PPP1R3C: variants seen among roughly 807,000 people sequenced by gnomAD.
The protein encoded by PPP1R3C is protein phosphatase 1 regulatory subunit 3C, also known as PP1 subunit R5.
In PPP1R3C, 20 loss-of-function variants were observed where a neutral mutation model predicts 29.3. That is an observed-to-expected ratio of 0.68 (90% confidence interval 0.48 to 0.99). The LOEUF is 0.99. Among genes scored for constraint, PPP1R3C ranks in the 50% least tolerant of loss-of-function variants. PPP1R3C has a pLI of 0.00. For synonymous variants in PPP1R3C, 123 were observed against 143.1 expected (o/e 0.86, Z 1.00); for missense variants, 321 against 386.0 (o/e 0.83, Z 1.41).
At chr10:91,631,467 C>T (rs576498770) in intron 1 of PPP1R3C, among the ~76,000 whole-genome samples, 1 of 152,046 alleles carries the variant, frequency 6.6e-6, no homozygotes, top group East Asian at 1.9e-4. Flanking sequence ...CTCCCTCTGG[C>T]TACGTTGGCT....
chr10:91,629,861 G>T lies in PPP1R3C; in HGVS notation c.*66C>A. 3 of 1,545,652 alleles carry T rather than the reference G, an allele frequency of 1.9e-6. No homozygotes were observed. The highest frequency in any genetic ancestry group is 2.7e-6 in the Non-Finnish European group (3 of 1,123,116). ...AGTAGCAAAGGCTTCCTAAAATTGA[G>T]CAATACAGACCTAGGATTGCATGGG... On this transcript the variant is annotated 3_prime_UTR_variant, in exon 2 of 2. Coordinates refer to ENST00000238994, the MANE Select transcript of PPP1R3C (RefSeq NM_005398.7).
chr10:91,630,428 G>A lies in PPP1R3C; in HGVS notation c.453C>T (p.His151=), dbSNP rs915914159. The stretch of plus-strand genomic sequence containing the variant: ...CCAGACAGACAAAGTTCTTCTGAAA[G>A]TGGCTCCGGAAACTTAAGTAATCGG... The part of the protein sequence containing the change: ...PSTDYLSFRS[H]FQKNFVCLEN... The change falls in exon 2 of 2, where the codon CAC becomes CAT. Residue 151 remains histidine, a synonymous_variant. Coordinates refer to ENST00000238994, the MANE Select transcript of PPP1R3C (RefSeq NM_005398.7). The surrounding 1 kb of genome is among the most constrained non-coding windows in gnomAD (Gnocchi z 4.4). 1 of 1,614,220 alleles carries A rather than the reference G, an allele frequency of 6.2e-7. No individual in the cohort carries two copies.
rs781001132 is a variant in PPP1R3C at position 91,630,833 on chromosome 10, T to C, written c.48A>G (p.Thr16=). The C allele has an allele frequency of 3.7e-6, 6 of 1,613,652 alleles. No individual in the cohort carries two copies. The Admixed American group carries it at 8.3e-5, about 22-fold the overall frequency. The change falls in exon 2 of 2, where the codon ACA becomes ACG. Residue 16 remains threonine, a synonymous_variant. Coordinates refer to ENST00000238994, the MANE Select transcript of PPP1R3C (RefSeq NM_005398.7). This position sits in a 1 kb window ranked among gnomAD's most constrained non-coding sequence, Gnocchi z 4.4. ...CCACATCCACGGGCATGACCGAACTTGTCAAAGGACGTGGATCTAAAACCT... is the reference window on the plus strand; with the variant it reads ...CCACATCCACGGGCATGACCGAACTCGTCAAAGGACGTGGATCTAAAACCT... ...MIQVLDPRPL[T]SSVMPVDVAM...
At chr10:91,631,069 C>G (rs950739514) in intron 1 of PPP1R3C, among the ~76,000 whole-genome samples, 1 of 152,174 alleles carries the variant, frequency 6.6e-6, no homozygotes, top group African/African-American at 2.4e-5. Context: ...CGGCTAAAGG[C>G]TATTAATTGC....
In PPP1R3C at chr10:91,630,135, T is replaced by A. The variant is rs373998228; in HGVS notation, c.746A>T (p.Asn249Ile). Residue 249 changes from asparagine to isoleucine, a missense_variant, in exon 2 of 2, where the codon AAT becomes ATT. Physicochemically the swap from Asn to Ile is moderately radical, Grantham distance 149 (BLOSUM62 -3). Transcript: ENST00000238994. The surrounding 1 kb of genome is among the most constrained non-coding windows in gnomAD (Gnocchi z 4.4). ...AACAATTCTATAATTCTGACCATCA[T>A]TGTTGTCCCAAAAGACTTGCCCATT... ...HANGQVFWDN[N>I]DGQNYRIVHV... is the part of the protein sequence containing the mutation. The A allele has an allele frequency of 6.2e-7, 1 of 1,614,206 alleles. No individual in the cohort carries two copies. Among genetic ancestry groups the A allele is most frequent in the Non-Finnish European group, 8.5e-7 (1 of 1,180,040 alleles).
chr10:91,632,512 T>A (rs1589598043), intron 1 of PPP1R3C, among the ~76,000 whole-genome samples: 1 of 152,124 alleles, frequency 6.6e-6, no homozygotes, highest in East Asian at 1.9e-4. Flanking sequence ...CTCAAACTCT[T>A]GAGATTTTGC....
chr10:91,633,039 G>A lies in PPP1R3C; in HGVS notation c.-70C>T, dbSNP rs1589598232. 14 of 1,582,186 alleles carry A rather than the reference G, an allele frequency of 8.8e-6. 1 individual carries two copies. The South Asian group carries it at 1.3e-4, about 14-fold the overall frequency. ...GCACAAATTCGAACCACAGCTCCAGGCCTTGCCCCCGCGGCGGTCGCTGGG... is the reference window on the plus strand; with the variant it reads ...GCACAAATTCGAACCACAGCTCCAGACCTTGCCCCCGCGGCGGTCGCTGGG... On this transcript the variant is annotated 5_prime_UTR_variant, in exon 1 of 2. Coordinates refer to ENST00000238994, the MANE Select transcript of PPP1R3C (RefSeq NM_005398.7).
At chr10:91,632,929 T>C (rs1479510043) in intron 1 of PPP1R3C, 27 bp downstream of exon 1, 6 of 1,609,834 alleles carry the variant, frequency 3.7e-6, no homozygotes, top group East Asian at 2.2e-5. Context: ...CCTGTGTTCC[T>C]AGCGCGCAGA....
chr10:91,632,862 A>C, intron 1 of PPP1R3C, 94 bp downstream of exon 1: 1 of 1,524,810 alleles, frequency 6.6e-7, no homozygotes, highest in Non-Finnish European at 8.9e-7. Flanking sequence ...TGGGGTGTCC[A>C]TTTCCAGAGA....
In PPP1R3C at chr10:91,630,519, T is replaced by C. The variant is rs780634977; in HGVS notation, c.362A>G (p.Asp121Gly). ...DLQFDLLDLN[D>G]ISSALKHHEE... ...GTGGTGTTTTAAGGCAGAGGAGATA[T>C]CATTAAGGTCCAAGAGATCAAACTG... Residue 121 changes from aspartate to glycine, a missense_variant, in exon 2 of 2, where the codon GAT (aspartate) becomes GGT (glycine). By Grantham distance (94) the Asp-to-Gly change is moderately conservative. Coordinates refer to ENST00000238994, the MANE Select transcript of PPP1R3C (RefSeq NM_005398.7). This position sits in a 1 kb window ranked among gnomAD's most constrained non-coding sequence, Gnocchi z 4.4. The C allele has an allele frequency of 1.4e-5, 23 of 1,614,154 alleles. No homozygotes were observed. In the South Asian group the frequency reaches 2.3e-4, roughly 16 times the overall value.
chr10:91,629,780 G>T lies in PPP1R3C; in HGVS notation c.*147C>A. The T allele has an allele frequency of 1.2e-6, 1 of 866,178 alleles. No homozygotes were observed. The highest frequency in any genetic ancestry group is 1.8e-6 in the Non-Finnish European group (1 of 544,838). 53.7% of individuals were successfully genotyped at this position (866,178 alleles called of 1,614,324 possible). A position where few individuals can be genotyped will look rare whatever the true frequency, so the allele number is the denominator to read the frequency against. ...ACAGACCCCAACACTAAATTCTCAA[G>T]TGTCTTTCTTTTCCATAGCCAGGTC... On this transcript the variant is annotated 3_prime_UTR_variant, in exon 2 of 2. Transcript: ENST00000238994.
At position 91,630,072 on chromosome 10, in the gene PPP1R3C, A is replaced by G. The variant is rs1423898145; in HGVS notation, c.809T>C (p.Met270Thr). The G allele has an allele frequency of 6.2e-7, 1 of 1,614,104 alleles. No homozygotes were observed. The highest frequency in any genetic ancestry group is 1.3e-5 in the African/African-American group (1 of 74,944). Residue 270 changes from methionine (M) to threonine (T), a missense_variant, in exon 2 of 2, where the codon ATG becomes ACG. Physicochemically the swap from Met to Thr is moderately conservative, Grantham distance 81. Coordinates refer to ENST00000238994, the MANE Select transcript of PPP1R3C (RefSeq NM_005398.7). This position sits in a 1 kb window ranked among gnomAD's most constrained non-coding sequence, Gnocchi z 4.4. ...GTGGAATGCACAGTCCTGGGGTGCCATCTGTGTCTGCACCCCATCAGGCTT... is the reference window on the plus strand; with the variant it reads ...GTGGAATGCACAGTCCTGGGGTGCCGTCTGTGTCTGCACCCCATCAGGCTT... ...QWKPDGVQTQ[M>T]APQDCAFHQT...
chr10:91,629,604 A>G lies in PPP1R3C; in HGVS notation c.*323T>C, dbSNP rs1240348509. On this transcript the variant is annotated 3_prime_UTR_variant, in exon 2 of 2. Coordinates refer to ENST00000238994, the MANE Select transcript of PPP1R3C (RefSeq NM_005398.7). Reference sequence around the variant, plus strand: ...ATTAACACAGCTTTCCATCACCATCAGCCATCCTTCCTCAACTTTTCCTTG... The same window carrying G: ...ATTAACACAGCTTTCCATCACCATCGGCCATCCTTCCTCAACTTTTCCTTG... 2.5e-6 allele frequency: 1 copy of G among 398,816 alleles called. No individual in the cohort carries two copies. The highest frequency in any genetic ancestry group is 5.2e-5 in the East Asian group (1 of 19,208). 24.7% of individuals were successfully genotyped at this position (398,816 alleles called of 1,614,324 possible).
chr10:91,633,068 G>A lies in PPP1R3C; in HGVS notation c.-99C>T, dbSNP rs1294062499. The stretch of plus-strand genomic sequence containing the variant: ...TGCCCCCGCGGCGGTCGCTGGGAGA[G>A]ACTGAGGGCCCGGCGCCTAGAGGCC... On this transcript the variant is annotated 5_prime_UTR_variant, in exon 1 of 2. Coordinates refer to ENST00000238994, the MANE Select transcript of PPP1R3C (RefSeq NM_005398.7). 2.7e-6 allele frequency: 4 copies of A among 1,502,808 alleles called. No individual in the cohort carries two copies. Among genetic ancestry groups the A allele is most frequent in the Non-Finnish European group, 3.6e-6 (4 of 1,100,944 alleles). The allele number at this position is 1,502,808 out of a possible 1,614,324, so 93.1% of individuals were successfully genotyped here.
In PPP1R3C at chr10:91,629,631, C is replaced by T. The variant is rs1589596909; in HGVS notation, c.*296G>A. The T allele has an allele frequency of 2.3e-6, 1 of 431,346 alleles. No individual in the cohort carries two copies. Among genetic ancestry groups the T allele is most frequent in the East Asian group, 4.5e-5 (1 of 22,212 alleles). 26.7% of individuals were successfully genotyped at this position (431,346 alleles called of 1,614,324 possible). A position where few individuals can be genotyped will look rare whatever the true frequency, so the allele number is the denominator to read the frequency against. ...CCATCCTTCCTCAACTTTTCCTTGC[C>T]CAACATGAAAGCTAGTGGATTGAGA... is the stretch of plus-strand genomic sequence containing the variant. On this transcript the variant is annotated 3_prime_UTR_variant, in exon 2 of 2. Transcript: ENST00000238994.
At position 91,630,941 on chromosome 10, in the gene PPP1R3C, A is replaced by AT; in HGVS notation, c.15-76dup. On this transcript the variant is annotated intron_variant, in intron 1 of 1. Transcript: ENST00000238994. The surrounding 1 kb of genome is among the most constrained non-coding windows in gnomAD (Gnocchi z 4.4). ...CCCCAGTGCCAAATACATATGTACT[A>AT]TTTTTGTGCTGACTGAATTATAGCC... is the stretch of plus-strand genomic sequence containing the variant. The AT allele has an allele frequency of 7.5e-7, 1 of 1,326,194 alleles. No individual in the cohort carries two copies. The highest frequency in any genetic ancestry group is 1.7e-5 in the Admixed American group (1 of 57,760). 82.2% of individuals were successfully genotyped at this position (1,326,194 alleles called of 1,614,324 possible).
Sources: allele counts gnomAD v4.1 joint callset (sites outside exome capture counted in the v4.1 genomes callset), GRCh38; gene constraint gnomAD v4.1.1; non-coding constraint Gnocchi (gnomAD v3.1); transcripts MANE v1.5; gene names NCBI Gene and HGNC (gene_info 2026-07-23, HGNC 2026-07-21).